The following UGT1A6 variants were observed in gnomAD, a reference collection of about 807,000 sequenced individuals.
UGT1A6 encodes the protein UDP glucuronosyltransferase family 1 member A6.
In UGT1A6, 32 loss-of-function variants were observed where a neutral mutation model predicts 44.4. That is an observed-to-expected ratio of 0.72 (90% CI 0.54 to 0.97). The LOEUF (loss-of-function observed/expected upper bound fraction) is 0.97. Among genes scored for constraint, UGT1A6 ranks in the 50% least tolerant of loss-of-function variants. The probability of loss-of-function intolerance (pLI) is 0.00; values close to 1 mark genes in which losing one functional copy is unlikely to be tolerated. For missense variants in UGT1A6, 685 were observed against 661.9 expected, an observed-to-expected ratio of 1.03 and a Z score of -0.38; for synonymous variants, 238 against 248.5, an observed-to-expected ratio of 0.96 and a Z score of 0.40.
Position 233,767,767 on chromosome 2 carries a change from T to C in UGT1A6, c.994-82T>C, listed in dbSNP as rs2302538. Reference sequence around the variant, plus strand: ...AAAGACTGTTCCTTCAGAGGACCCCTGTTTTCTAGTTAGTATAGCAGATTT... The same window carrying C: ...AAAGACTGTTCCTTCAGAGGACCCCCGTTTTCTAGTTAGTATAGCAGATTT... On this transcript the variant is annotated intron_variant, in intron 2 of 4. Coordinates refer to ENST00000305139, the MANE Select transcript of UGT1A6 (RefSeq NM_001072.4). The C allele has an allele frequency of 0.14, 222,887 of 1,608,838 alleles. 18,348 individuals are homozygous for C. Among genetic ancestry groups the C allele is most frequent in the African/African-American group, 0.38 (28,350 of 74,890 alleles).
chr2:233,749,394 A>T (rs1364997409), intron 1 of UGT1A6, among the ~76,000 whole-genome samples: 1 of 151,918 alleles, frequency 6.6e-6, no homozygotes, highest in African/African-American at 2.4e-5. Flanking sequence ...CAATGTGAAC[A>T]TATTCTCTAG....
intron 1 of UGT1A6, chr2:233,755,502 C>T (rs1234908381): frequency 5.5e-6 from 1 of 180,326 alleles, no homozygotes; most frequent in Non-Finnish European, 1.2e-5. Flanking sequence ...GCTCCAAGAC[C>T]AGGCCCCGCC....
rs139693283 is a variant in UGT1A6 at position 233,697,582 on chromosome 2, T to C, written c.861+3717T>C. Among the ~76,000 whole-genome samples the C allele has an allele frequency of 3.1e-3, 475 of 152,066 alleles. 2 individuals are homozygous for C. Among genetic ancestry groups the C allele is most frequent in the Non-Finnish European group, 6.0e-3 (406 of 67,942 alleles). On this transcript the variant is annotated intron_variant, in intron 1 of 4. Coordinates refer to ENST00000305139, the MANE Select transcript of UGT1A6 (RefSeq NM_001072.4). ...GCCTCAATTTAATTTATTTTTTCCC[T>C]GATCTTTATTATTTCTTTCCTTCTA...
At chr2:233,697,374 A>T (rs1382201272) in intron 1 of UGT1A6, among the ~76,000 whole-genome samples, 1 of 152,066 alleles carries the variant, frequency 6.6e-6, no homozygotes, top group East Asian at 1.9e-4. Flanking sequence ...TATAGAGTTC[A>T]CAATAATCGC....
At position 233,693,579 on chromosome 2, in the gene UGT1A6, T is replaced by C. The variant is rs1240485987; in HGVS notation, c.575T>C (p.Ile192Thr). Residue 192 changes from isoleucine to threonine, a missense_variant, in exon 1 of 5, where the codon ATT becomes ACT. By Grantham distance (89) the Ile-to-Thr change is moderately conservative. Transcript: ENST00000305139. ...AGAAGCCCAGACCCTGTGTCCTACA[T>C]TCCCAGGTGCTACACAAAGTTTTCA... ...FSRSPDPVSY[I>T]PRCYTKFSDH... 1.2e-6 allele frequency: 2 copies of C among 1,614,224 alleles called. No individual in the cohort carries two copies.
chr2:233,725,463 A>G (rs1262858111), intron 1 of UGT1A6, among the ~76,000 whole-genome samples: 1 of 152,026 alleles, frequency 6.6e-6, no homozygotes, highest in Non-Finnish European at 1.5e-5. Flanking sequence ...AAACTTTTCT[A>G]GTGGGCATGT....
rs564518266 is a variant in UGT1A6 at position 233,725,998 on chromosome 2, T to G, written c.861+32133T>G. Among the ~76,000 whole-genome samples the G allele has an allele frequency of 3.4e-4, 52 of 152,142 alleles. No individual in the cohort carries two copies. The Middle Eastern group carries it at 0.014, about 40-fold the overall frequency. ...CTGGGAAACGTGCTGAGACTGCATC[T>G]CTACAAAAAATCAAAAAATTATCCA... On this transcript the variant is annotated intron_variant, in intron 1 of 4. Coordinates refer to ENST00000305139, the MANE Select transcript of UGT1A6 (RefSeq NM_001072.4).
At chr2:233,755,119 C>A (rs2125932041) in intron 1 of UGT1A6, 1 of 1,329,394 alleles carries the variant, frequency 7.5e-7, no homozygotes. Context: ...TCGTAGGCCT[C>A]AGCCACCTGC....
intron 1 of UGT1A6, among the ~76,000 whole-genome samples, chr2:233,730,664 G>A (rs11891311): frequency 0.41 from 62,447 of 151,822 alleles, 13,776 homozygotes; most frequent in African/African-American, 0.57. Context: ...GAGTTCGGAA[G>A]GCAAAGTAAT....
intron 1 of UGT1A6, among the ~76,000 whole-genome samples, chr2:233,724,133 G>A (rs1298685512): frequency 0.042 from 1,427 of 33,736 alleles, 2 homozygotes; most frequent in African/African-American, 0.058. Context: ...CTCACCTCCC[G>A]GACGGGGCGG....
At chr2:233,766,637 C>G (rs1389389579) in intron 1 of UGT1A6, among the ~76,000 whole-genome samples, 2 of 152,186 alleles carry the variant, frequency 1.3e-5, no homozygotes, top group African/African-American at 4.8e-5. Flanking sequence ...TTCCCTACTT[C>G]CATATCATTT....
intron 1 of UGT1A6, among the ~76,000 whole-genome samples, chr2:233,751,639 C>T (rs967910288): frequency 6.6e-6 from 1 of 152,174 alleles, no homozygotes; most frequent in African/African-American, 2.4e-5. Context: ...CAGTTTCCCC[C>T]TTGCTGTTCT....
intron 1 of UGT1A6, among the ~76,000 whole-genome samples, chr2:233,765,881 T>G (rs1234531270): frequency 6.6e-6 from 1 of 152,054 alleles, no homozygotes; most frequent in Non-Finnish European, 1.5e-5. Flanking sequence ...GGGCTCACTT[T>G]CTCAGTGCGC....
intron 1 of UGT1A6, among the ~76,000 whole-genome samples, chr2:233,736,005 G>A (rs1194834652): frequency 1.3e-5 from 2 of 152,028 alleles, no homozygotes; most frequent in African/African-American, 4.8e-5. Flanking sequence ...TGTTCTTCTC[G>A]AGGAGTATCT....
At chr2:233,731,154 A>G (rs2125760855) in intron 1 of UGT1A6, among the ~76,000 whole-genome samples, 1 of 152,228 alleles carries the variant, frequency 6.6e-6, no homozygotes, top group East Asian at 1.9e-4. Context: ...TTTCTTTTTG[A>G]TCAAACGACA....
rs796155377 is a variant in UGT1A6 at position 233,747,484 on chromosome 2, G to A, written c.862-19550G>A. ...TCATGGACCCAGGATGAATTTGATC[G>A]CCTTGTGCTGGGCCACACTCAACTG... On this transcript the variant is annotated intron_variant, in intron 1 of 4. Transcript: ENST00000305139. The A allele has an allele frequency of 6.3e-5, 101 of 1,608,658 alleles. 5 individuals are homozygous for A. The African/African-American group carries it at 1.1e-3, about 17-fold the overall frequency.
At position 233,769,393 on chromosome 2, in the gene UGT1A6, G is replaced by A. The variant is rs767407915; in HGVS notation, c.1301+954G>A. ...GATTTCATCCGACAATAGATACTGT[G>A]TGCATATGTGCGTGTGCGTTTGTGC... is the stretch of plus-strand genomic sequence containing the variant. On this transcript the variant is annotated intron_variant, in intron 4 of 4. Transcript: ENST00000305139. This position sits in a 1 kb window ranked among gnomAD's most constrained non-coding sequence, Gnocchi z 4.4. 2.7e-5 allele frequency: 30 copies of A among 1,098,632 alleles called. No homozygotes were observed. Among genetic ancestry groups the A allele is most frequent in the Non-Finnish European group, 3.5e-5 (26 of 750,310 alleles). 68.1% of individuals were successfully genotyped at this position (1,098,632 alleles called of 1,614,324 possible).
At chr2:233,758,319 G>T (rs1559404648) in intron 1 of UGT1A6, among the ~76,000 whole-genome samples, 1 of 152,200 alleles carries the variant, frequency 6.6e-6, no homozygotes, top group South Asian at 2.1e-4. Flanking sequence ...AGCAGAAGCA[G>T]CCTCAAAAAG....
chr2:233,759,311 G>A (rs1276961284), intron 1 of UGT1A6, among the ~76,000 whole-genome samples: 2 of 152,170 alleles, frequency 1.3e-5, no homozygotes, highest in African/African-American at 2.4e-5. Context: ...TGGCTGAGGT[G>A]GGTGAGCTTT....
Sources: gnomAD v4.1 joint callset for allele counts (sites outside exome capture counted in the v4.1 genomes callset) on GRCh38, gnomAD v4.1.1 for gene constraint, Gnocchi (gnomAD v3.1) non-coding constraint, MANE v1.5 for transcripts, NCBI Gene and HGNC (gene_info 2026-07-23, HGNC 2026-07-21) for gene names.